SLCO1B3: variants seen among roughly 807,000 people sequenced by gnomAD.
SLCO1B3 encodes solute carrier organic anion transporter family member 1B3, also known as liver-specific organic anion transporter 2.
A neutral mutation model predicts 71.8 loss-of-function variants in SLCO1B3; 72 were observed. The ratio of observed to expected loss-of-function variants is 1.00; its 90% confidence interval spans 0.83 to 1.22. The LOEUF is 1.22. Among genes scored for constraint, SLCO1B3 ranks in the 50% most tolerant of loss-of-function variants. The probability of loss-of-function intolerance (pLI) is 0.00; values close to 1 mark genes in which losing one functional copy is unlikely to be tolerated. For missense variants in SLCO1B3, 911 were observed against 819.7 expected (o/e 1.11, Z -1.36); for synonymous variants, 298 against 278.4 (o/e 1.07, Z -0.70).
chr12:20,816,221 CTTTAT>C, intron 3 of SLCO1B3, among the ~76,000 whole-genome samples: 1 of 152,260 alleles, frequency 6.6e-6, no homozygotes, highest in South Asian at 2.1e-4. Context: ...TCCAATTATA[CTTTAT>C]TTTAAAAGGT....
intron 8 of SLCO1B3, among the ~76,000 whole-genome samples, chr12:20,864,905 G>C (rs1434338815): frequency 6.6e-6 from 1 of 152,098 alleles, no homozygotes; most frequent in Non-Finnish European, 1.5e-5. Context: ...AGAATGGGGA[G>C]AGTTGTTGTT....
intron 3 of SLCO1B3, among the ~76,000 whole-genome samples, chr12:20,830,904 TACTG>T (rs1162197338): frequency 6.6e-6 from 1 of 152,244 alleles, no homozygotes; most frequent in Non-Finnish European, 1.5e-5. Flanking sequence ...TACTTTTAAA[TACTG>T]AGTGTTACAG....
rs200412791 is a variant in SLCO1B3 at position 20,916,013 on chromosome 12, C to T, written c.1875C>T (p.Tyr625=). The change falls in exon 16 of 16, where the codon TAC becomes TAT. Residue 625 remains tyrosine (Y), a synonymous_variant. Coordinates refer to ENST00000381545, the MANE Select transcript of SLCO1B3 (RefSeq NM_019844.4). ...TTTTCTCTTTTCACAGAAGGGTCTA[C>T]TTGGGCTTATCTATAGCTTTAAGAT... ...IYNSVFFGRV[Y]LGLSIALRFP... is the part of the protein sequence containing the mutation. 6.2e-7 allele frequency: 1 copy of T among 1,602,998 alleles called. No homozygotes were observed. Among genetic ancestry groups the T allele is most frequent in the Non-Finnish European group, 8.5e-7 (1 of 1,171,822 alleles).
chr12:20,916,077 A>C lies in SLCO1B3; in HGVS notation c.1939A>C (p.Met647Leu), dbSNP rs556554798. Residue 647 changes from methionine to leucine, a missense_variant, in exon 16 of 16, where the codon ATG becomes CTG. Transcript: ENST00000381545. ...TTTATATATTGTTTTCATTTTTGCTATGAAGAAAAAATTTCAAGGAAAAGA... is the reference window on the plus strand; with the variant it reads ...TTTATATATTGTTTTCATTTTTGCTCTGAAGAAAAAATTTCAAGGAAAAGA... ...LVLYIVFIFA[M>L]KKKFQGKDTK... The C allele has an allele frequency of 1.2e-6, 2 of 1,612,314 alleles. No homozygotes were observed. Among genetic ancestry groups the C allele is most frequent in the East Asian group, 2.2e-5 (1 of 44,726 alleles).
chr12:20,864,076 G>A (rs1865324488), intron 8 of SLCO1B3, among the ~76,000 whole-genome samples: 1 of 151,910 alleles, frequency 6.6e-6, no homozygotes, highest in South Asian at 2.1e-4. Context: ...ATGACTGACT[G>A]AATTACTATG....
chr12:20,815,757 T>G lies in SLCO1B3; in HGVS notation c.19T>G (p.Leu7Val). 1 of 1,594,248 alleles carries G rather than the reference T, an allele frequency of 6.3e-7. No homozygotes were observed. The highest frequency in any genetic ancestry group is 8.6e-7 in the Non-Finnish European group (1 of 1,167,682). Residue 7 changes from leucine to valine, a missense_variant, in exon 3 of 16, where the codon TTG (leucine) becomes GTG (valine). Physicochemically the swap from Leu to Val is conservative, Grantham distance 32. Transcript: ENST00000381545. ...TTTAATAATGGACCAACATCAACAT[T>G]TGAATAAAACAGCAGAGTCAGCATC... MDQHQHLNKTAESASSE... is the reference protein window; with the variant it reads MDQHQHVNKTAESASSE...
intron 3 of SLCO1B3, 78 bp from the exon 4 acceptor site, chr12:20,854,948 CTG>C (rs1865102903): frequency 1.5e-6 from 2 of 1,293,404 alleles, no homozygotes; most frequent in Non-Finnish European, 2.1e-6. Flanking sequence ...AGAAGAAAAA[CTG>C]TTTTAGTTCC....
chr12:20,884,598 C>G (rs7299007), intron 13 of SLCO1B3, among the ~76,000 whole-genome samples: 110,049 of 151,862 alleles, frequency 0.72, 42,445 homozygotes, highest in South Asian at 0.9. Flanking sequence ...TAATGTGTGC[C>G]CTACTGGCCA....
At chr12:20,847,219 T>TAA (rs11410978) in intron 3 of SLCO1B3, among the ~76,000 whole-genome samples, 3 of 150,600 alleles carry the variant, frequency 2.0e-5, no homozygotes, top group East Asian at 2.0e-4. Flanking sequence ...GTGGAAGAAT[T>TAA]AAAAAAAAAA....
intron 13 of SLCO1B3, among the ~76,000 whole-genome samples, chr12:20,897,510 A>C (rs181664815): frequency 1.3e-5 from 2 of 152,278 alleles, no homozygotes; most frequent in African/African-American, 2.4e-5. Context: ...ATACTTCTAC[A>C]AGTCATTTGG....
intron 3 of SLCO1B3, 39 bp downstream of exon 3, chr12:20,815,861 A>G (rs1449823850): frequency 5.8e-6 from 8 of 1,376,490 alleles, no homozygotes; most frequent in Non-Finnish European, 8.0e-6. Context: ...AAATAAGTTA[A>G]TGGAAAATTT....
chr12:20,825,798 C>CAA (rs3060437), intron 3 of SLCO1B3, among the ~76,000 whole-genome samples: 6,145 of 85,970 alleles, frequency 0.071, 314 homozygotes, highest in East Asian at 0.14. Context: ...GACTCTGTCT[C>CAA]AAAAAAAAAA....
intron 3 of SLCO1B3, among the ~76,000 whole-genome samples, chr12:20,830,736 A>G (rs1438778809): frequency 6.6e-6 from 1 of 152,218 alleles, no homozygotes; most frequent in Non-Finnish European, 1.5e-5. Flanking sequence ...TCCAGGGAAC[A>G]TAGAGTTTGT....
At chr12:20,811,251 G>A (rs928845409) in intron 1 of SLCO1B3, among the ~76,000 whole-genome samples, 2 of 152,060 alleles carry the variant, frequency 1.3e-5, no homozygotes, top group African/African-American at 4.8e-5. Flanking sequence ...CATTCAACTC[G>A]TTTGATTTAG....
At chr12:20,833,552 CAT>C (rs34356065) in intron 3 of SLCO1B3, among the ~76,000 whole-genome samples, 15,511 of 147,402 alleles carry the variant, frequency 0.11, 1,047 homozygotes, top group Middle Eastern at 0.19. Context: ...ATATTGTACA[CAT>C]ATGTTTACTA....
In SLCO1B3 at chr12:20,916,362, A is replaced by G. The variant is rs961549564; in HGVS notation, c.*115A>G. ...GGATAAGTCTATGCATCTATAATAA[A>G]CTATAAAAAATGGGAGTACCCATGG... On this transcript the variant is annotated 3_prime_UTR_variant, in exon 16 of 16. Coordinates refer to ENST00000381545, the MANE Select transcript of SLCO1B3 (RefSeq NM_019844.4). 3.0e-6 allele frequency: 3 copies of G among 991,800 alleles called. No individual in the cohort carries two copies. The highest frequency in any genetic ancestry group is 3.3e-5 in the African/African-American group (2 of 61,180). The allele number at this position is 991,800 out of a possible 1,614,324, so 61.4% of individuals were successfully genotyped here.
chr12:20,903,247 G>C (rs992410123), intron 15 of SLCO1B3, among the ~76,000 whole-genome samples: 2 of 151,968 alleles, frequency 1.3e-5, no homozygotes, highest in African/African-American at 4.8e-5. Context: ...CATGTTCCCA[G>C]GTATTTACAT....
chr12:20,908,368 C>A (rs1270819102), intron 15 of SLCO1B3, among the ~76,000 whole-genome samples: 1 of 152,294 alleles, frequency 6.6e-6, no homozygotes, highest in East Asian at 1.9e-4. Flanking sequence ...ATTGACAAAC[C>A]AGATTGACAC....
chr12:20,907,511 CTTT>C (rs753028322), intron 15 of SLCO1B3, among the ~76,000 whole-genome samples: 4 of 124,762 alleles, frequency 3.2e-5, no homozygotes, highest in Admixed American at 8.4e-5. Context: ...CCTTCCCTTC[CTTT>C]TTTTTTTTTT....
Sources: gnomAD v4.1 joint callset for allele counts (sites outside exome capture counted in the v4.1 genomes callset) on GRCh38, gnomAD v4.1.1 for gene constraint, MANE v1.5 for transcripts, NCBI Gene and HGNC (gene_info 2026-07-23, HGNC 2026-07-21) for gene names.